FAM20B: variants seen among roughly 807,000 people sequenced by gnomAD.
FAM20B encodes FAM20B glycosaminoglycan xylosylkinase, also known as glycosaminoglycan xylosylkinase.
Under a neutral mutation model 43.8 loss-of-function variants are expected in FAM20B, and 23 were observed. The ratio of observed to expected loss-of-function variants is 0.53; its 90% CI spans 0.38 to 0.74. The LOEUF (loss-of-function observed/expected upper bound fraction) is 0.74. Among genes scored for constraint, FAM20B ranks in the 30% least tolerant of loss-of-function variants. The pLI is 0.00. For synonymous variants in FAM20B, 178 were observed against 192.4 expected (o/e 0.93, Z 0.62); for missense variants, 440 against 510.5 (o/e 0.86, Z 1.33).
chr1:179,020,967 AG>A (rs1377009100), upstream of FAM20B, among the ~76,000 whole-genome samples: 11 of 152,208 alleles, frequency 7.2e-5, no homozygotes, highest in African/African-American at 2.7e-4. Flanking sequence ...GCTACTCGGG[AG>A]GCTGAGGCAG....
intron 1 of FAM20B, among the ~76,000 whole-genome samples, chr1:179,028,532 A>T (rs1199378924): frequency 1.3e-5 from 2 of 152,228 alleles, no homozygotes; most frequent in Non-Finnish European, 2.9e-5. Flanking sequence ...CAGTGAGCTG[A>T]GATTGCACCA....
chr1:179,070,108 C>T (rs1036667247), intron 7 of FAM20B, among the ~76,000 whole-genome samples: 6 of 151,996 alleles, frequency 3.9e-5, no homozygotes, highest in East Asian at 3.9e-4. Context: ...TGCAGTGGCG[C>T]GATCTTGGCT....
chr1:179,062,575 G>A (rs771074007), intron 4 of FAM20B, among the ~76,000 whole-genome samples: 29 of 151,954 alleles, frequency 1.9e-4, no homozygotes, highest in Non-Finnish European at 3.1e-4. Context: ...GCTTGAACCC[G>A]GGAGGCGGAG....
rs1405300025 is a variant in FAM20B at position 179,054,545 on chromosome 1, C to T, written c.481C>T (p.Arg161Ter). The stretch of plus-strand genomic sequence containing the variant: ...CCAAACCAGGATTCTGGGTTTCCAC[C>T]GAGCCCCCTTGGTAGTTGGCAGATT... ...FHLDRILGFH[R>*]APLVVGRFVN... The change falls in exon 4 of 8, where the codon CGA becomes TGA. Residue 161 changes from arginine (R) to a stop codon, truncating the protein, a stop_gained. Transcript: ENST00000263733. LOFTEE classifies it high-confidence loss of function. 12 of 1,611,052 alleles carry T rather than the reference C, an allele frequency of 7.4e-6. No homozygotes were observed. The highest frequency in any genetic ancestry group is 2.2e-5 in the East Asian group (1 of 44,834).
At position 179,072,097 on chromosome 1, in the gene FAM20B, A is replaced by T; in HGVS notation, c.1183A>T (p.Met395Leu). The part of the protein sequence containing the change: ...TVKQCTDQFG[M>L]DTVLVEDRMP... ...GAAGCAGTGCACCGACCAGTTTGGG[A>T]TGGACACAGTACTGGTGGAAGACAG... Residue 395 changes from methionine to leucine, a missense_variant, in exon 8 of 8, where the codon ATG becomes TTG. Physicochemically the swap from Met to Leu is conservative, Grantham distance 15. Transcript: ENST00000263733. 5 of 1,614,132 alleles carry T rather than the reference A, an allele frequency of 3.1e-6. No individual in the cohort carries two copies. Among genetic ancestry groups the T allele is most frequent in the Non-Finnish European group, 4.2e-6 (5 of 1,180,012 alleles).
intron 1 of FAM20B, among the ~76,000 whole-genome samples, chr1:179,029,167 C>T (rs1022304858): frequency 6.6e-6 from 1 of 152,210 alleles, no homozygotes; most frequent in Non-Finnish European, 1.5e-5. Context: ...TAGCATTGAC[C>T]TGACTGCCCT....
In FAM20B at chr1:179,043,740, G is replaced by A; in HGVS notation, c.-108G>A. 1 of 1,175,040 alleles carries A rather than the reference G, an allele frequency of 8.5e-7. No homozygotes were observed. Among genetic ancestry groups the A allele is most frequent in the Non-Finnish European group, 1.2e-6 (1 of 831,062 alleles). 72.8% of individuals were successfully genotyped at this position (1,175,040 alleles called of 1,614,324 possible). On this transcript the variant is annotated 5_prime_UTR_variant, in exon 2 of 8. Transcript: ENST00000263733. Reference sequence around the variant, plus strand: ...GAACTGTGGAAGGTGCATCAGTGAAGAAATGGACCAATGTGTATAATCATG... The same window carrying A: ...GAACTGTGGAAGGTGCATCAGTGAAAAAATGGACCAATGTGTATAATCATG...
chr1:179,047,266 T>C (rs1650811419), intron 2 of FAM20B, among the ~76,000 whole-genome samples: 2 of 152,042 alleles, frequency 1.3e-5, no homozygotes, highest in African/African-American at 4.8e-5. Flanking sequence ...ACTGCAGCCT[T>C]CTCATTACCT....
intron 4 of FAM20B, among the ~76,000 whole-genome samples, chr1:179,057,402 T>A (rs1298700858): frequency 6.6e-6 from 1 of 152,214 alleles, no homozygotes; most frequent in African/African-American, 2.4e-5. Flanking sequence ...CTTGATGCAA[T>A]TTTTAAAATG....
At position 179,043,965 on chromosome 1, in the gene FAM20B, G is replaced by T. The variant is rs759930487; in HGVS notation, c.118G>T (p.Ala40Ser). The T allele has an allele frequency of 6.2e-7, 1 of 1,614,022 alleles. No individual in the cohort carries two copies. Among genetic ancestry groups the T allele is most frequent in the Admixed American group, 1.7e-5 (1 of 59,992 alleles). Residue 40 changes from alanine to serine, a missense_variant, in exon 2 of 8, where the codon GCC becomes TCC. By Grantham distance (99) the Ala-to-Ser change is moderately conservative. Transcript: ENST00000263733. ...AGCTGCCAACCGGGAGGACCAGAGG[G>T]CCTTTCACCGAATGATGACTGGCTT... ...TSAANREDQR[A>S]FHRMMTGLRV...
intron 7 of FAM20B, among the ~76,000 whole-genome samples, chr1:179,070,434 A>C (rs1156408422): frequency 6.6e-6 from 1 of 151,810 alleles, no homozygotes; most frequent in Non-Finnish European, 1.5e-5. Context: ...GCATCTGACA[A>C]GGGACTTATT....
At chr1:179,056,334 C>G (rs72709419) in intron 4 of FAM20B, among the ~76,000 whole-genome samples, 21,543 of 152,238 alleles carry the variant, frequency 0.14, 1,771 homozygotes, top group East Asian at 0.31. Flanking sequence ...AACTACTGAT[C>G]TTTTTACTGT....
chr1:179,059,096 G>T (rs1242154646), intron 4 of FAM20B, among the ~76,000 whole-genome samples: 1 of 152,244 alleles, frequency 6.6e-6, no homozygotes, highest in Non-Finnish European at 1.5e-5. Context: ...CAGTTTAGGA[G>T]AAAAGGCTTG....
At position 179,066,815 on chromosome 1, in the gene FAM20B, G is replaced by A. The variant is rs758529939; in HGVS notation, c.954G>A (p.Ser318=). The change falls in exon 7 of 8, where the codon TCG becomes TCA. Residue 318 remains serine, a synonymous_variant. Coordinates refer to ENST00000263733, the MANE Select transcript of FAM20B (RefSeq NM_014864.4). ...TAATTTTCAGCTTTGGGAACCCCTC[G>A]CTGGATGAAAGAAGCATTCTTGCCC... ...LDNAKSFGNP[S]LDERSILAPL... is the part of the protein sequence containing the mutation. 4.3e-6 allele frequency: 7 copies of A among 1,612,168 alleles called. No individual in the cohort carries two copies. Among genetic ancestry groups the A allele is most frequent in the African/African-American group, 1.3e-5 (1 of 74,820 alleles).
intron 7 of FAM20B, among the ~76,000 whole-genome samples, chr1:179,068,049 C>T (rs931713257): frequency 6.6e-6 from 1 of 152,150 alleles, no homozygotes; most frequent in African/African-American, 2.4e-5. Flanking sequence ...AGGCGTGAGC[C>T]ACCGCGCCCG....
chr1:179,050,470 CTTG>C (rs1176395697), intron 3 of FAM20B, 105 bp downstream of exon 3: 7 of 751,660 alleles, frequency 9.3e-6, no homozygotes, highest in African/African-American at 7.0e-5. Flanking sequence ...TAATAAATAA[CTTG>C]TTATCGATTT....
intron 1 of FAM20B, among the ~76,000 whole-genome samples, chr1:179,040,715 C>G (rs1316760497): frequency 6.8e-6 from 1 of 146,762 alleles, no homozygotes; most frequent in Non-Finnish European, 1.5e-5. Flanking sequence ...GGGCTGACCC[C>G]CCACCTCCCT....
chr1:179,026,154 C>G (rs1347360860), intron 1 of FAM20B, 56 bp downstream of exon 1: 3 of 146,722 alleles, frequency 2.0e-5, no homozygotes, highest in Non-Finnish European at 4.5e-5. Context: ...GCGCGGCGGG[C>G]GGGAAAATGC....
At chr1:179,049,890 A>G (rs1490469667) in intron 2 of FAM20B, among the ~76,000 whole-genome samples, 1 of 152,220 alleles carries the variant, frequency 6.6e-6, no homozygotes, top group Non-Finnish European at 1.5e-5. Context: ...AGGTCAGTCT[A>G]ATAAACATTT....
Sources: allele counts gnomAD v4.1 joint callset (sites outside exome capture counted in the v4.1 genomes callset), GRCh38; gene constraint gnomAD v4.1.1; transcripts MANE v1.5; gene names NCBI Gene and HGNC (gene_info 2026-07-23, HGNC 2026-07-21).